The following PINK1 variants were observed in gnomAD, a reference collection of about 807,000 sequenced individuals.
The protein encoded by PINK1 is PTEN induced kinase 1.
PINK1 carries 58 observed loss-of-function variants against 56.0 expected under a neutral mutation model. The observed-to-expected ratio is 1.04, with a 90% CI of 0.84 to 1.29. The LOEUF is 1.29. Ranked by LOEUF, PINK1 falls within the 50% of genes most tolerant of loss-of-function variation. The pLI, the probability that PINK1 is intolerant of heterozygous loss-of-function variation, is 0.00. For synonymous variants in PINK1, 354 were observed against 339.3 expected (o/e 1.04, Z -0.48); for missense variants, 745 against 777.9 (o/e 0.96, Z 0.50).
Position 20,648,553 on chromosome 1 carries a change from A to G in PINK1, c.1172A>G (p.Asp391Gly). ...GCAGATTTTGGCTGCTGCCTGGCTG[A>G]TGAGAGCATCGGCCTGCAGTTGCCC... ...VIADFGCCLA[D>G]ESIGLQLPFS... The change falls in exon 6 of 8, where the codon GAT (aspartate) becomes GGT (glycine). Residue 391 changes from aspartate to glycine, a missense_variant. Asp to Gly is a moderately conservative substitution (Grantham distance 94, BLOSUM62 -1). Transcript: ENST00000321556. 1.2e-6 allele frequency: 2 copies of G among 1,614,134 alleles called. No homozygotes were observed. The highest frequency in any genetic ancestry group is 1.7e-6 in the Non-Finnish European group (2 of 1,180,026).
chr1:20,648,727 C>T, intron 6 of PINK1, 95 bp downstream of exon 6: 2 of 1,559,078 alleles, frequency 1.3e-6, no homozygotes, highest in South Asian at 2.3e-5. Flanking sequence ...CCCAACACCT[C>T]CATCTTTTCT....
intron 3 of PINK1, among the ~76,000 whole-genome samples, chr1:20,644,102 T>C (rs7522679): frequency 0.28 from 42,011 of 152,040 alleles, 5,969 homozygotes; most frequent in South Asian, 0.37. Flanking sequence ...ATAACTGAAA[T>C]TGCAGAAAGC....
intron 5 of PINK1, 63 bp downstream of exon 5, chr1:20,645,786 AG>A (rs2053172778): frequency 6.3e-7 from 1 of 1,598,372 alleles, no homozygotes; most frequent in South Asian, 1.1e-5. Flanking sequence ...AGGAGCATTT[AG>A]GACTGACTCT....
intron 3 of PINK1, among the ~76,000 whole-genome samples, chr1:20,643,356 C>T (rs978324768): frequency 6.6e-6 from 1 of 152,182 alleles, no homozygotes; most frequent in Non-Finnish European, 1.5e-5. Flanking sequence ...GGGGGGCGCT[C>T]CCCACAGGAT....
intron 7 of PINK1, chr1:20,650,232 A>G (rs1186718842): frequency 3.0e-6 from 2 of 667,336 alleles, no homozygotes; most frequent in Admixed American, 2.3e-5. Context: ...TGCCCCATGC[A>G]GAGGTGTACA....
At chr1:20,640,085 T>C in intron 3 of PINK1, 93 bp downstream of exon 3, 1 of 1,029,586 alleles carries the variant, frequency 9.7e-7, no homozygotes, top group East Asian at 2.6e-5. Flanking sequence ...CAGTGTCTGA[T>C]ATGACAGTAG....
chr1:20,643,345 CGGG>C (rs1389182225), intron 3 of PINK1, among the ~76,000 whole-genome samples: 1 of 152,154 alleles, frequency 6.6e-6, no homozygotes, highest in African/African-American at 2.4e-5. Context: ...GTTTGGGGGT[CGGG>C]GGGCGCTCCC....
In PINK1 at chr1:20,649,217, CGA is replaced by C; in HGVS notation, c.1478_1479del (p.Glu493GlyfsTer21). Reference protein sequence around the residue: ...VRQLVRALLQREASKRPSARV... With the variant: ...VRQLVRALLQXEASKRPSARV... ...ACAGTTGGTGAGGGCACTGCTCCAG[CGA>C]GAGGCCAGCAAGGTGAGGCTGTCCC... On this transcript the variant is annotated frameshift_variant, in exon 7 of 8. Coordinates refer to ENST00000321556, the MANE Select transcript of PINK1 (RefSeq NM_032409.3). LOFTEE classifies it high-confidence loss of function. 1 of 1,614,054 alleles carries C rather than the reference CGA, an allele frequency of 6.2e-7. No individual in the cohort carries two copies. The highest frequency in any genetic ancestry group is 8.5e-7 in the Non-Finnish European group (1 of 1,179,956).
At chr1:20,650,013 C>A in intron 7 of PINK1, 1 of 284,734 alleles carries the variant, frequency 3.5e-6, no homozygotes, top group Non-Finnish European at 6.9e-6. Context: ...CTGAGCCATA[C>A]CTGCACCCCA....
At chr1:20,634,054 A>C in intron 1 of PINK1, 119 bp downstream of exon 1, 3 of 1,233,482 alleles carry the variant, frequency 2.4e-6, no homozygotes, top group Non-Finnish European at 3.4e-6. Flanking sequence ...TCGAGGGCCG[A>C]GGCGAGGGTC....
chr1:20,635,973 C>T (rs2053053010), intron 1 of PINK1, among the ~76,000 whole-genome samples: 1 of 152,058 alleles, frequency 6.6e-6, no homozygotes, highest in Non-Finnish European at 1.5e-5. Context: ...TGAAGACCAG[C>T]TGGGACAACA....
At chr1:20,644,802 C>A in intron 4 of PINK1, 130 bp downstream of exon 4, 1 of 1,238,958 alleles carries the variant, frequency 8.1e-7, no homozygotes, top group Admixed American at 2.2e-5. Flanking sequence ...GAGAAGAAAG[C>A]CATGCAAAGG....
chr1:20,633,927 G>A lies in PINK1; in HGVS notation c.379G>A (p.Glu127Lys). The A allele has an allele frequency of 1.9e-6, 3 of 1,585,286 alleles. No individual in the cohort carries two copies. Among genetic ancestry groups the A allele is most frequent in the South Asian group, 1.1e-5 (1 of 87,580 alleles). ...CCGGCGGGCGGTCTCGGCCTGTCAGGAGATCCAGGTGAGCGGGGCCGGGTC... is the reference window on the plus strand; with the variant it reads ...CCGGCGGGCGGTCTCGGCCTGTCAGAAGATCCAGGTGAGCGGGGCCGGGTC... ...ESRRAVSACQ[E>K]IQAIFTQKSK... The change falls in exon 1 of 8, where the codon GAG (glutamate) becomes AAG (lysine). Residue 127 changes from glutamate to lysine, a missense_variant. Physicochemically the swap from Glu to Lys is moderately conservative, Grantham distance 56 (BLOSUM62 1). Transcript: ENST00000321556.
At position 20,650,741 on chromosome 1, in the gene PINK1, T is replaced by A; in HGVS notation, c.*50T>A. ...TACTAAAAGAACATGGCATCCTCTG[T>A]GTCGTGATGGTCTGTGAATGGTGAG... On this transcript the variant is annotated 3_prime_UTR_variant, in exon 8 of 8. Transcript: ENST00000321556. The A allele has an allele frequency of 6.3e-7, 1 of 1,593,792 alleles. No individual in the cohort carries two copies.
Position 20,644,490 on chromosome 1 carries a change from A to G in PINK1, c.777A>G (p.Arg259=). 1 of 1,614,180 alleles carries G rather than the reference A, an allele frequency of 6.2e-7. No individual in the cohort carries two copies. The highest frequency in any genetic ancestry group is 8.5e-7 in the Non-Finnish European group (1 of 1,180,022). The change falls in exon 4 of 8, where the codon AGA becomes AGG. Residue 259 remains arginine, a splice_region_variant and synonymous_variant. Transcript: ENST00000321556. ...LAGEYGAVTY[R]KSKRGPKQLA... ...ATGTTTGTCTCACTTGGCTGACTAG[A>G]AAATCCAAGAGAGGTCCCAAGCAAC...
Position 20,650,483 on chromosome 1 carries a change from G to T in PINK1, c.1538G>T (p.Gly513Val). ...AANVLHLSLWGEHILALKNLK... is the reference protein window; with the variant it reads ...AANVLHLSLWVEHILALKNLK... Reference sequence around the variant, plus strand: ...AATGTGCTTCATCTAAGCCTCTGGGGTGAACATATTCTAGCCCTGAAGAAT... The same window carrying T: ...AATGTGCTTCATCTAAGCCTCTGGGTTGAACATATTCTAGCCCTGAAGAAT... The change falls in exon 8 of 8, where the codon GGT becomes GTT. Residue 513 changes from glycine (G) to valine (V), a missense_variant. Transcript: ENST00000321556. 1 of 1,614,172 alleles carries T rather than the reference G, an allele frequency of 6.2e-7. No homozygotes were observed. The highest frequency in any genetic ancestry group is 8.5e-7 in the Non-Finnish European group (1 of 1,180,006).
chr1:20,647,214 G>A (rs2053194730), intron 5 of PINK1, among the ~76,000 whole-genome samples: 1 of 150,992 alleles, frequency 6.6e-6, no homozygotes, highest in East Asian at 2.0e-4. Flanking sequence ...CCACCACCAC[G>A]CCCGGCTAAT....
At chr1:20,648,853 T>C in intron 6 of PINK1, 142 bp from the exon 7 acceptor site, 1 of 1,229,496 alleles carries the variant, frequency 8.1e-7, no homozygotes, top group Non-Finnish European at 1.2e-6. Context: ...AGCAGACCCC[T>C]TCTGGGTCTG....
chr1:20,650,402 T>C, intron 7 of PINK1, 32 bp from the exon 8 acceptor site: 1 of 1,612,946 alleles, frequency 6.2e-7, no homozygotes, highest in Non-Finnish European at 8.5e-7. Flanking sequence ...TGTTAACAGA[T>C]GTTCTAGCTA....
Sources: gnomAD v4.1 joint callset for allele counts (sites outside exome capture counted in the v4.1 genomes callset) on GRCh38, gnomAD v4.1.1 for gene constraint, MANE v1.5 for transcripts, NCBI Gene and HGNC (gene_info 2026-07-23, HGNC 2026-07-21) for gene names.